Variants in UBE2E2 observed in about 807,000 individuals in gnomAD.
The protein encoded by UBE2E2 is ubiquitin-conjugating enzyme E2 E2.
A neutral mutation model predicts 24.7 loss-of-function variants in UBE2E2; 6 were observed. That is an observed-to-expected ratio of 0.24 (90% CI 0.13 to 0.48). UBE2E2 has a LOEUF of 0.48. UBE2E2 is among the 20% of genes least tolerant of loss of function. The pLI is 0.99. For missense variants in UBE2E2, 169 were observed against 245.0 expected, an observed-to-expected ratio of 0.69 and a Z score of 2.07; for synonymous variants, 104 against 83.6, an observed-to-expected ratio of 1.24 and a Z score of -1.33.
chr3:23,445,751 C>A (rs754790972), intron 3 of UBE2E2, among the ~76,000 whole-genome samples: 1 of 152,146 alleles, frequency 6.6e-6, no homozygotes, highest in African/African-American at 2.4e-5. Flanking sequence ...CATCATACAA[C>A]GGGTTGTTTC....
At chr3:23,350,856 C>T (rs1470258014) in intron 3 of UBE2E2, among the ~76,000 whole-genome samples, 2 of 152,140 alleles carry the variant, frequency 1.3e-5, no homozygotes, top group African/African-American at 4.8e-5. Flanking sequence ...GCAAGGCAGA[C>T]CAACATTCAG....
intron 3 of UBE2E2, among the ~76,000 whole-genome samples, chr3:23,448,436 A>G (rs186456139): frequency 6.6e-6 from 1 of 152,180 alleles, no homozygotes. Context: ...TACCCATGTT[A>G]TGGAGATTTG....
intron 3 of UBE2E2, among the ~76,000 whole-genome samples, chr3:23,463,049 G>A (rs1356584047): frequency 6.6e-6 from 1 of 152,102 alleles, no homozygotes; most frequent in East Asian, 1.9e-4. Flanking sequence ...GATGGTTAAG[G>A]CCTTATGGGT....
chr3:23,261,466 G>C (rs1400876164), intron 3 of UBE2E2, among the ~76,000 whole-genome samples: 2 of 152,048 alleles, frequency 1.3e-5, no homozygotes, highest in African/African-American at 4.8e-5. Flanking sequence ...TTTTATGTTT[G>C]TGTGTGTGAG....
rs1695076962 is a variant in UBE2E2 at position 23,332,202 on chromosome 3, G to C, written c.227+114890G>C. Reference sequence around the variant, plus strand: ...TCGGTCGCCCAGGCAAGAGTACAGAGTGGCATGATGTCGGATCGCTGCAGC... The same window carrying C: ...TCGGTCGCCCAGGCAAGAGTACAGACTGGCATGATGTCGGATCGCTGCAGC... On this transcript the variant is annotated intron_variant, in intron 3 of 5. Transcript: ENST00000396703. 2.0e-5 allele frequency among the ~76,000 whole-genome samples: 3 copies of C among 152,102 alleles called. No individual in the cohort carries two copies. The South Asian group carries it at 6.2e-4, about 31-fold the overall frequency.
intron 3 of UBE2E2, among the ~76,000 whole-genome samples, chr3:23,394,234 T>C (rs1697021983): frequency 6.6e-6 from 1 of 152,232 alleles, no homozygotes; most frequent in African/African-American, 2.4e-5. Context: ...CTGGTTCTTT[T>C]TGTAACAAGT....
At chr3:23,346,984 T>G (rs1362321943) in intron 3 of UBE2E2, among the ~76,000 whole-genome samples, 1 of 152,188 alleles carries the variant, frequency 6.6e-6, no homozygotes, top group Non-Finnish European at 1.5e-5. Context: ...CTATGGCCAT[T>G]AGTACTTAGG....
chr3:23,553,751 C>G (rs1199354815), intron 5 of UBE2E2, among the ~76,000 whole-genome samples: 1 of 152,066 alleles, frequency 6.6e-6, no homozygotes, highest in Non-Finnish European at 1.5e-5. Flanking sequence ...TTTCTGTACA[C>G]AAGTGACAAC....
intron 3 of UBE2E2, among the ~76,000 whole-genome samples, chr3:23,432,572 T>C (rs1213351744): frequency 1.3e-5 from 2 of 152,058 alleles, no homozygotes; most frequent in Non-Finnish European, 2.9e-5. Context: ...TCTCCACAGC[T>C]CTACCATGTT....
At chr3:23,528,515 C>T (rs1695050737) in intron 4 of UBE2E2, among the ~76,000 whole-genome samples, 1 of 151,970 alleles carries the variant, frequency 6.6e-6, no homozygotes, top group Admixed American at 6.6e-5. Context: ...TCTTGAAGTT[C>T]CTGCCTCTTT....
chr3:23,417,615 G>A (rs546457916), intron 3 of UBE2E2, among the ~76,000 whole-genome samples: 19 of 152,130 alleles, frequency 1.2e-4, no homozygotes, highest in African/African-American at 4.1e-4. Context: ...CTGCAGAGCC[G>A]GCAGGCAGGA....
At chr3:23,265,237 G>A (rs1698013842) in intron 3 of UBE2E2, among the ~76,000 whole-genome samples, 1 of 152,206 alleles carries the variant, frequency 6.6e-6, no homozygotes, top group Non-Finnish European at 1.5e-5. Flanking sequence ...GCTGCAAGGT[G>A]AGTATGGTTG....
At chr3:23,452,465 T>C (rs1698582312) in intron 3 of UBE2E2, among the ~76,000 whole-genome samples, 1 of 152,220 alleles carries the variant, frequency 6.6e-6, no homozygotes, top group African/African-American at 2.4e-5. Flanking sequence ...TTTGAATCTA[T>C]ATTAAAATTT....
chr3:23,332,699 G>C (rs1010548108), intron 3 of UBE2E2, among the ~76,000 whole-genome samples: 4 of 150,830 alleles, frequency 2.7e-5, no homozygotes, highest in African/African-American at 9.7e-5. Context: ...GTGTGTGTGT[G>C]TGTGTGTGTG....
intron 3 of UBE2E2, among the ~76,000 whole-genome samples, chr3:23,459,314 C>G (rs983298096): frequency 6.6e-6 from 1 of 152,152 alleles, no homozygotes; most frequent in Non-Finnish European, 1.5e-5. Context: ...CATAAACATT[C>G]TTCTCATTGA....
chr3:23,302,168 A>C (rs1049562113), intron 3 of UBE2E2, among the ~76,000 whole-genome samples: 2 of 152,092 alleles, frequency 1.3e-5, no homozygotes, highest in African/African-American at 2.4e-5. Context: ...TGTCCCTTCC[A>C]GCCATATCCA....
intron 3 of UBE2E2, among the ~76,000 whole-genome samples, chr3:23,414,449 C>T (rs750756678): frequency 3.9e-5 from 6 of 152,150 alleles, no homozygotes; most frequent in East Asian, 1.9e-4. Flanking sequence ...GGTGGTAAAC[C>T]GTTCATGAAG....
intron 3 of UBE2E2, among the ~76,000 whole-genome samples, chr3:23,231,999 T>C (rs1039399308): frequency 5.3e-5 from 8 of 152,188 alleles, no homozygotes; most frequent in African/African-American, 1.9e-4. Context: ...CTGGAAGCCC[T>C]GCTGACCCTG....
rs1698925333 is a variant in UBE2E2, at chr3:23,466,642, A to T, written c.228-32966A>T. On this transcript the variant is annotated intron_variant, in intron 3 of 5. Coordinates refer to ENST00000396703, the MANE Select transcript of UBE2E2 (RefSeq NM_152653.4). ...GAGTGCAACGGTGCAATCTCAGTTC[A>T]CTGCAACCTCCGCCTCCTGGGTTCA... is the stretch of plus-strand genomic sequence containing the variant. Among the ~76,000 whole-genome samples, 3 of 152,050 alleles carry T rather than the reference A, an allele frequency of 2.0e-5. No individual in the cohort carries two copies. The South Asian group carries it at 6.2e-4, about 32-fold the overall frequency.
Sources: gnomAD v4.1 joint callset for allele counts (sites outside exome capture counted in the v4.1 genomes callset) on GRCh38, gnomAD v4.1.1 for gene constraint, MANE v1.5 for transcripts, NCBI Gene and HGNC (gene_info 2026-07-23, HGNC 2026-07-21) for gene names.